Variants in NXPE2 observed in about 807,000 individuals in gnomAD.
The protein encoded by NXPE2 is neurexophilin and PC-esterase domain family member 2, also known as NXPE family member 2.
A neutral mutation model predicts 34.4 loss-of-function variants in NXPE2; 34 were observed. The ratio of observed to expected loss-of-function variants is 0.99; its 90% CI spans 0.75 to 1.31. The LOEUF (loss-of-function observed/expected upper bound fraction) is 1.31, where lower values mean the gene tolerates loss of function less well. Among genes scored for constraint, NXPE2 ranks in the 40% most tolerant of loss-of-function variants. NXPE2 has a pLI of 0.00. For missense variants in NXPE2, 649 were observed against 672.5 expected (o/e 0.97, Z 0.39); for synonymous variants, 235 against 231.3 (o/e 1.02, Z -0.15).
chr11:114,594,034 TG>T, the NXPE2 span, among the ~76,000 whole-genome samples: 1 of 151,892 alleles, frequency 6.6e-6, no homozygotes, highest in East Asian at 1.9e-4. Context: ...GGAAGGGTGG[TG>T]GGGGCATGGA....
chr11:114,604,144 CTGCTGG>C, the NXPE2 span, among the ~76,000 whole-genome samples: 1 of 152,046 alleles, frequency 6.6e-6, no homozygotes, highest in Non-Finnish European at 1.5e-5. Flanking sequence ...CTACTGATAC[CTGCTGG>C]AAAATAAGTA....
the NXPE2 span, among the ~76,000 whole-genome samples, chr11:114,606,634 C>T: frequency 1.3e-5 from 2 of 151,910 alleles, no homozygotes; most frequent in East Asian, 3.9e-4. Flanking sequence ...AGTGTTGCCT[C>T]GTGGGAAACC....
At chr11:114,811,956 G>A in the NXPE2 span, among the ~76,000 whole-genome samples, 4 of 152,172 alleles carry the variant, frequency 2.6e-5, no homozygotes, top group African/African-American at 7.2e-5. Context: ...ACTATCGCAT[G>A]CTTAGCACAG....
chr11:114,504,907 G>C, the NXPE2 span, among the ~76,000 whole-genome samples: 7 of 152,112 alleles, frequency 4.6e-5, no homozygotes, highest in Non-Finnish European at 1.5e-5. Flanking sequence ...GACAGAAGTA[G>C]AATTTAGTAT....
intron 2 of NXPE2, among the ~76,000 whole-genome samples, chr11:114,697,781 G>A (rs1262643770): frequency 6.6e-6 from 1 of 152,164 alleles, no homozygotes; most frequent in African/African-American, 2.4e-5. Context: ...ATTGAATCAT[G>A]AAATAGTATG....
intron 2 of NXPE2, among the ~76,000 whole-genome samples, chr11:114,689,455 G>C (rs574624736): frequency 3.3e-5 from 5 of 151,870 alleles, no homozygotes; most frequent in Non-Finnish European, 7.4e-5. Context: ...TAGATGCTTG[G>C]TATGATTTCA....
intron 2 of NXPE2, among the ~76,000 whole-genome samples, chr11:114,694,333 G>A (rs1951209503): frequency 6.6e-6 from 1 of 152,110 alleles, no homozygotes; most frequent in African/African-American, 2.4e-5. Flanking sequence ...TCTTCAATAG[G>A]TAAAGTTTTC....
chr11:114,546,094 A>C, the NXPE2 span, among the ~76,000 whole-genome samples: 1 of 152,218 alleles, frequency 6.6e-6, no homozygotes, highest in Non-Finnish European at 1.5e-5. Flanking sequence ...CTGTATTACA[A>C]ATGTATGACA....
At chr11:114,572,321 T>C in the NXPE2 span, among the ~76,000 whole-genome samples, 90,993 of 151,996 alleles carry the variant, frequency 0.6, 29,059 homozygotes, top group African/African-American at 0.84. Flanking sequence ...CTTTAACTCC[T>C]GCAAAAGACC....
chr11:114,471,838 A>T, the NXPE2 span, among the ~76,000 whole-genome samples: 289 of 152,324 alleles, frequency 1.9e-3, no homozygotes, highest in African/African-American at 6.8e-3. Flanking sequence ...AGGAAATGTA[A>T]TGTTTCCTAG....
the NXPE2 span, among the ~76,000 whole-genome samples, chr11:114,666,455 C>A: frequency 6.6e-6 from 1 of 152,140 alleles, no homozygotes; most frequent in East Asian, 1.9e-4. Flanking sequence ...AAGTATAAAA[C>A]GTGTATCCTC....
chr11:114,777,445 G>C, the NXPE2 span, among the ~76,000 whole-genome samples: 1 of 152,290 alleles, frequency 6.6e-6, no homozygotes, highest in African/African-American at 2.4e-5. Context: ...AAAAACTGCT[G>C]AGCTTAACCT....
the NXPE2 span, among the ~76,000 whole-genome samples, chr11:114,641,198 A>G: frequency 6.6e-6 from 1 of 152,026 alleles, no homozygotes; most frequent in Non-Finnish European, 1.5e-5. Context: ...ATAATCAAGA[A>G]GGAATATAGA....
the NXPE2 span, among the ~76,000 whole-genome samples, chr11:114,588,208 C>T: frequency 6.6e-6 from 1 of 152,126 alleles, no homozygotes; most frequent in Non-Finnish European, 1.5e-5. Flanking sequence ...TCCAGCTGTG[C>T]CATCAGGTCC....
the NXPE2 span, chr11:114,522,071 A>G: frequency 9.4e-5 from 151 of 1,612,974 alleles, no homozygotes; most frequent in Middle Eastern, 6.6e-4. Context: ...CCAGGCATCA[A>G]TGATGCCCAC....
the NXPE2 span, chr11:114,521,747 C>T: frequency 4.2e-5 from 19 of 457,796 alleles, no homozygotes; most frequent in East Asian, 6.6e-5. Flanking sequence ...ATATTTTAAA[C>T]GAGCATCAGA....
the NXPE2 span, among the ~76,000 whole-genome samples, chr11:114,541,188 G>A: frequency 3.9e-5 from 6 of 152,040 alleles, no homozygotes; most frequent in South Asian, 2.1e-4. Flanking sequence ...GGAGTAAAAC[G>A]GAATCCGTGG....
the NXPE2 span, among the ~76,000 whole-genome samples, chr11:114,719,657 C>G: frequency 6.6e-6 from 1 of 152,260 alleles, no homozygotes; most frequent in Non-Finnish European, 1.5e-5. Flanking sequence ...AAGCAGCTGT[C>G]GCCAGCCTCA....
chr11:114,698,867 C>A, intron 3 of NXPE2, 89 bp downstream of exon 3: 1 of 1,242,850 alleles, frequency 8.0e-7, no homozygotes, highest in Non-Finnish European at 1.1e-6. Context: ...ACTTTTGTAT[C>A]ATGTCAATTA....
Sources: gnomAD v4.1 joint callset for allele counts (sites outside exome capture counted in the v4.1 genomes callset) on GRCh38, gnomAD v4.1.1 for gene constraint, MANE v1.5 for transcripts, NCBI Gene and HGNC (gene_info 2026-07-23, HGNC 2026-07-21) for gene names.